FAM107B: variants seen among roughly 807,000 people sequenced by gnomAD.
The protein encoded by FAM107B is family with sequence similarity 107 member B, also known as protein FAM107B.
Under a neutral mutation model 31.5 loss-of-function variants are expected in FAM107B, and 21 were observed. The observed-to-expected ratio is 0.67, with a 90% CI of 0.47 to 0.96. The LOEUF (loss-of-function observed/expected upper bound fraction) is 0.96, where lower values mean the gene tolerates loss of function less well. Ranked by LOEUF, FAM107B falls within the 40% of genes least tolerant of loss-of-function variation. The pLI, the probability that FAM107B is intolerant of heterozygous loss-of-function variation, is 0.00. For missense variants in FAM107B, 452 were observed against 377.1 expected (o/e 1.20, Z -1.64); for synonymous variants, 157 against 141.5 (o/e 1.11, Z -0.78).
chr10:14,764,054 C>G (rs1833113023), intron 1 of FAM107B, among the ~76,000 whole-genome samples: 1 of 152,208 alleles, frequency 6.6e-6, no homozygotes, highest in African/African-American at 2.4e-5. Context: ...CCACCTTGAG[C>G]TGGTATACCA....
At chr10:14,637,749 A>C (rs55969347) in intron 2 of FAM107B, among the ~76,000 whole-genome samples, 4,694 of 152,264 alleles carry the variant, frequency 0.031, 245 homozygotes, top group African/African-American at 0.11. Context: ...TGACAAAGCA[A>C]GCTGACATGT....
chr10:14,704,869 C>T (rs375702883), intron 1 of FAM107B, among the ~76,000 whole-genome samples: 2 of 151,748 alleles, frequency 1.3e-5, no homozygotes, highest in African/African-American at 4.8e-5. Context: ...ACTAAAAATA[C>T]AAAAATTAAC....
At chr10:14,601,020 G>A (rs992173092) in intron 2 of FAM107B, among the ~76,000 whole-genome samples, 1 of 152,186 alleles carries the variant, frequency 6.6e-6, no homozygotes, top group Non-Finnish European at 1.5e-5. Flanking sequence ...TCCTGCTTCA[G>A]CCTCCCAAAG....
rs145085163 is a variant in FAM107B at position 14,549,000 on chromosome 10, G to A, written c.470-18485C>T. Among the ~76,000 whole-genome samples the A allele has an allele frequency of 6.8e-3, 1,031 of 152,246 alleles. 13 individuals carry two copies. Among genetic ancestry groups the A allele is most frequent in the African/African-American group, 0.024 (995 of 41,540 alleles). The stretch of plus-strand genomic sequence containing the variant: ...GATGGGATCAGTGTCCTTATAAGAA[G>A]AGGAAAAGAGACCAGAGCTCCTTCT... On this transcript the variant is annotated intron_variant, in intron 2 of 4. Coordinates refer to ENST00000181796, the MANE Select transcript of FAM107B (RefSeq NM_031453.4).
At chr10:14,528,733 C>A (rs1330141376) in intron 3 of FAM107B, among the ~76,000 whole-genome samples, 1 of 152,162 alleles carries the variant, frequency 6.6e-6, no homozygotes, top group Non-Finnish European at 1.5e-5. Context: ...CAGACAAAGA[C>A]AGACAGAATG....
intron 1 of FAM107B, among the ~76,000 whole-genome samples, chr10:14,757,985 A>G (rs990230939): frequency 3.3e-5 from 5 of 152,238 alleles, no homozygotes; most frequent in Admixed American, 6.5e-5. Flanking sequence ...TGCCAAGTAT[A>G]TAATTATGCT....
intron 2 of FAM107B, chr10:14,534,743 G>A (rs879537811): frequency 6.6e-6 from 1 of 152,168 alleles, no homozygotes. Context: ...GATGTTCTTT[G>A]TTCTTTTTTC....
intron 2 of FAM107B, among the ~76,000 whole-genome samples, chr10:14,583,404 A>G (rs531042889): frequency 6.6e-6 from 1 of 152,282 alleles, no homozygotes; most frequent in South Asian, 2.1e-4. Context: ...GACAGATGAC[A>G]TGAAGCGCAG....
At chr10:14,580,338 C>T (rs887452176) in intron 2 of FAM107B, among the ~76,000 whole-genome samples, 6 of 145,792 alleles carry the variant, frequency 4.1e-5, no homozygotes, top group East Asian at 2.1e-4. Context: ...CCAGCCTGCA[C>T]GACAGAGCAA....
At chr10:14,758,187 C>T (rs2768706) in intron 1 of FAM107B, among the ~76,000 whole-genome samples, 19,072 of 152,152 alleles carry the variant, frequency 0.13, 1,388 homozygotes, top group African/African-American at 0.2. Context: ...TTTTCCCTTC[C>T]TACTTTGTTC....
Position 14,565,194 on chromosome 10 carries a change from T to C in FAM107B, c.470-34679A>G, listed in dbSNP as rs139541708. 2.4e-3 allele frequency among the ~76,000 whole-genome samples: 373 copies of C among 152,370 alleles called. 6 individuals are homozygous for C. Among genetic ancestry groups the C allele is most frequent in the African/African-American group, 8.6e-3 (359 of 41,584 alleles). On this transcript the variant is annotated intron_variant, in intron 2 of 4. Coordinates refer to ENST00000181796, the MANE Select transcript of FAM107B (RefSeq NM_031453.4). ...GGATAAAGCAGTAAAACTCCCTGCCTCGTGGACTTATTTATCATAGCTTAT... is the reference window on the plus strand; with the variant it reads ...GGATAAAGCAGTAAAACTCCCTGCCCCGTGGACTTATTTATCATAGCTTAT...
intron 3 of FAM107B, among the ~76,000 whole-genome samples, chr10:14,526,834 A>G (rs1024858665): frequency 6.6e-6 from 1 of 151,948 alleles, no homozygotes; most frequent in African/African-American, 2.4e-5. Context: ...AATATCAGAA[A>G]TATTAATTTT....
chr10:14,654,350 TG>T (rs1564615304), intron 2 of FAM107B, among the ~76,000 whole-genome samples: 2 of 152,246 alleles, frequency 1.3e-5, no homozygotes, highest in Non-Finnish European at 2.9e-5. Flanking sequence ...TCCTATTTTC[TG>T]AATATCTGTG....
chr10:14,628,139 G>C (rs1362931156), intron 2 of FAM107B, among the ~76,000 whole-genome samples: 2 of 50,458 alleles, frequency 4.0e-5, no homozygotes, highest in Admixed American at 5.4e-4. Context: ...TTTTTGAGAT[G>C]GAGTTTCGCT....
intron 1 of FAM107B, among the ~76,000 whole-genome samples, chr10:14,669,421 T>A (rs1854489879): frequency 1.3e-5 from 2 of 149,924 alleles, no homozygotes; most frequent in Non-Finnish European, 3.0e-5. Flanking sequence ...GAAATCAGTA[T>A]ATCAAAGGGA....
chr10:14,533,410 G>C (rs1156348166), intron 2 of FAM107B, among the ~76,000 whole-genome samples: 1 of 152,198 alleles, frequency 6.6e-6, no homozygotes. Flanking sequence ...ACGGGAGGCT[G>C]AAAGAGCAAG....
chr10:14,669,048 G>C (rs1322357110), intron 1 of FAM107B, among the ~76,000 whole-genome samples: 1 of 152,076 alleles, frequency 6.6e-6, no homozygotes, highest in Non-Finnish European at 1.5e-5. Context: ...GAACCCACCA[G>C]ACTCTAGAGC....
At chr10:14,521,338 T>A in intron 4 of FAM107B, 32 bp from the exon 5 acceptor site, 1 of 1,570,706 alleles carries the variant, frequency 6.4e-7, no homozygotes, top group Non-Finnish European at 8.8e-7. Context: ...AAAAATTATT[T>A]ACAAACCAAG....
chr10:14,680,111 T>C (rs1001212400), intron 1 of FAM107B, among the ~76,000 whole-genome samples: 1 of 152,282 alleles, frequency 6.6e-6, no homozygotes, highest in East Asian at 1.9e-4. Flanking sequence ...CAGATTTCGG[T>C]ATCAGGAGTG....
Sources: gnomAD v4.1 joint callset for allele counts (sites outside exome capture counted in the v4.1 genomes callset) on GRCh38, gnomAD v4.1.1 for gene constraint, MANE v1.5 for transcripts, NCBI Gene and HGNC (gene_info 2026-07-23, HGNC 2026-07-21) for gene names.